The following WDR27 variants were observed in gnomAD, a reference collection of about 807,000 sequenced individuals.
WDR27 encodes the protein WD repeat domain 27.
A neutral mutation model predicts 114.4 loss-of-function variants in WDR27; 100 were observed. That is an observed-to-expected ratio of 0.87 (90% CI 0.74 to 1.03). WDR27 has a LOEUF of 1.03. Ranked by LOEUF, WDR27 falls within the 50% of genes least tolerant of loss-of-function variation. The probability of loss-of-function intolerance (pLI) is 0.00; values close to 1 mark genes in which losing one functional copy is unlikely to be tolerated. For synonymous variants in WDR27, 449 were observed against 423.1 expected (o/e 1.06, Z -0.75); for missense variants, 1,129 against 1,092.9 (o/e 1.03, Z -0.47).
chr6:169,467,634 C>T (rs990151605), intron 25 of WDR27, among the ~76,000 whole-genome samples: 2 of 152,216 alleles, frequency 1.3e-5, no homozygotes, highest in African/African-American at 4.8e-5. Flanking sequence ...TGAGACTGCA[C>T]AAAGCAGCAA....
chr6:169,697,154 ACT>A (rs1334073102), intron 1 of WDR27, among the ~76,000 whole-genome samples: 4 of 152,150 alleles, frequency 2.6e-5, no homozygotes, highest in Admixed American at 2.6e-4. Flanking sequence ...TGTAGCAATT[ACT>A]CTTTATTCCA....
At position 169,638,624 on chromosome 6, in the gene WDR27, T is replaced by C. The variant is rs1818328155; in HGVS notation, c.1784A>G (p.Gln595Arg). The change falls in exon 18 of 26, where the codon CAG becomes CGG. Residue 595 changes from glutamine (Q) to arginine (R), a missense_variant. Transcript: ENST00000448612. ...DGAVNAVCWS[Q>R]DRRWLLSAAR... is the part of the protein sequence containing the mutation. Reference sequence around the variant, plus strand: ...CGCAGAGAGCAGCCACCTCCGGTCCTGGCTCCAGCACACGGCATTCACTGC... The same window carrying C: ...CGCAGAGAGCAGCCACCTCCGGTCCCGGCTCCAGCACACGGCATTCACTGC... The C allele has an allele frequency of 6.2e-7, 1 of 1,607,294 alleles. No individual in the cohort carries two copies. Among genetic ancestry groups the C allele is most frequent in the African/African-American group, 1.3e-5 (1 of 74,778 alleles).
At chr6:169,602,864 A>T (rs2494681) in intron 22 of WDR27, among the ~76,000 whole-genome samples, 2 of 150,598 alleles carry the variant, frequency 1.3e-5, no homozygotes, top group African/African-American at 4.9e-5. Context: ...TTGAGATTGA[A>T]TCTCACTCTG....
chr6:169,524,954 C>T (rs1450722081), intron 25 of WDR27, among the ~76,000 whole-genome samples: 1 of 152,028 alleles, frequency 6.6e-6, no homozygotes, highest in Non-Finnish European at 1.5e-5. Flanking sequence ...AGGTAGAAAG[C>T]TTTTGTACAG....
chr6:169,534,276 T>C (rs549130645), intron 25 of WDR27, among the ~76,000 whole-genome samples: 7 of 152,110 alleles, frequency 4.6e-5, no homozygotes, highest in Non-Finnish European at 1.0e-4. Flanking sequence ...CATAGATTGC[T>C]AGATTTTATT....
At chr6:169,580,428 T>G (rs1480636487) in intron 24 of WDR27, among the ~76,000 whole-genome samples, 6 of 152,328 alleles carry the variant, frequency 3.9e-5, no homozygotes, top group Admixed American at 1.3e-4. Flanking sequence ...GCTCTTTGGA[T>G]TGTTGCAAGC....
the WDR27 span, among the ~76,000 whole-genome samples, chr6:169,446,264 T>G: frequency 6.6e-6 from 1 of 152,082 alleles, no homozygotes; most frequent in Non-Finnish European, 1.5e-5. Context: ...GATGGGCACC[T>G]GAGCACCCAG....
chr6:169,690,089 T>C (rs1262132446), intron 1 of WDR27, among the ~76,000 whole-genome samples: 1 of 150,440 alleles, frequency 6.6e-6, no homozygotes. Flanking sequence ...TAGGCCCTCA[T>C]GCTGGTCATA....
intron 24 of WDR27, among the ~76,000 whole-genome samples, chr6:169,576,898 GAAGA>G (rs1427248493): frequency 4.6e-5 from 7 of 152,040 alleles, no homozygotes; most frequent in African/African-American, 1.7e-4. Context: ...TAGAGGAAAC[GAAGA>G]AAGAAAGATG....
At chr6:169,627,613 T>G (rs576461480) in intron 21 of WDR27, among the ~76,000 whole-genome samples, 1 of 152,276 alleles carries the variant, frequency 6.6e-6, no homozygotes, top group South Asian at 2.1e-4. Flanking sequence ...GTCTCCATCC[T>G]CCTCCCTTGG....
chr6:169,618,586 T>G (rs1489535421), intron 21 of WDR27, among the ~76,000 whole-genome samples: 8 of 124,190 alleles, frequency 6.4e-5, no homozygotes, highest in Non-Finnish European at 9.5e-5. Context: ...GGAGTAATTC[T>G]CAGAAGAGAT....
chr6:169,530,441 C>T (rs1795449954), intron 25 of WDR27, among the ~76,000 whole-genome samples: 1 of 152,202 alleles, frequency 6.6e-6, no homozygotes, highest in South Asian at 2.1e-4. Flanking sequence ...TACGTATCAA[C>T]ATTTACAAAT....
intron 22 of WDR27, among the ~76,000 whole-genome samples, chr6:169,611,007 TG>T: frequency 6.6e-6 from 1 of 152,262 alleles, no homozygotes; most frequent in Non-Finnish European, 1.5e-5. Flanking sequence ...AATTCATTCA[TG>T]TAACCAAAAG....
At chr6:169,636,259 G>C in intron 19 of WDR27, 112 bp downstream of exon 19, 1 of 1,265,202 alleles carries the variant, frequency 7.9e-7, no homozygotes, top group African/African-American at 1.5e-5. Context: ...GGTGATATGA[G>C]GTCATTATTA....
chr6:169,446,170 G>A, the WDR27 span, among the ~76,000 whole-genome samples: 2 of 152,240 alleles, frequency 1.3e-5, no homozygotes, highest in East Asian at 1.9e-4. Context: ...ACCTGCTGCT[G>A]AGCTGCCGTG....
chr6:169,567,904 G>A (rs902862126), intron 25 of WDR27, among the ~76,000 whole-genome samples: 3 of 152,300 alleles, frequency 2.0e-5, no homozygotes, highest in Admixed American at 6.5e-5. Flanking sequence ...AGAGAGGCTG[G>A]CCCTTGTACC....
intron 15 of WDR27, among the ~76,000 whole-genome samples, chr6:169,648,574 T>C (rs1301884922): frequency 6.6e-6 from 1 of 152,254 alleles, no homozygotes; most frequent in Non-Finnish European, 1.5e-5. Context: ...ATGCAGTGAA[T>C]GCGGGCAAAA....
intron 25 of WDR27, among the ~76,000 whole-genome samples, chr6:169,553,079 T>TGTGTGTGG: frequency 6.9e-6 from 1 of 145,086 alleles, no homozygotes; most frequent in Non-Finnish European, 1.5e-5. Context: ...TGTGTGTGTG[T>TGTGTGTGG]GTGTGTGTGT....
chr6:169,492,972 A>G (rs1454138303), intron 25 of WDR27, among the ~76,000 whole-genome samples: 1 of 152,096 alleles, frequency 6.6e-6, no homozygotes, highest in African/African-American at 2.4e-5. Context: ...GCAGAGACAT[A>G]AAAGGAGATA....
Sources: allele counts gnomAD v4.1 joint callset (sites outside exome capture counted in the v4.1 genomes callset), GRCh38; gene constraint gnomAD v4.1.1; transcripts MANE v1.5; gene names NCBI Gene and HGNC (gene_info 2026-07-23, HGNC 2026-07-21).